Variants in MYRFL observed in about 807,000 individuals in gnomAD.
The protein encoded by MYRFL is myelin regulatory factor like.
In MYRFL, 88 loss-of-function variants were observed where a neutral mutation model predicts 109.4. The observed-to-expected ratio is 0.80, with a 90% CI of 0.68 to 0.96. MYRFL has a LOEUF of 0.96. Among genes scored for constraint, MYRFL ranks in the 40% least tolerant of loss-of-function variants. The pLI, the probability that MYRFL is intolerant of heterozygous loss-of-function variation, is 0.00. For missense variants in MYRFL, 957 were observed against 954.9 expected (o/e 1.00, Z -0.03); for synonymous variants, 324 against 320.9 (o/e 1.01, Z -0.10).
rs754843682 is a variant in MYRFL, at chr12:69,870,099, C to CTT, written c.138-8903_138-8902dup. The stretch of plus-strand genomic sequence containing the variant: ...GCTAAGAATCTCTTGATTTTTCTTC[C>CTT]TTTTTTTTTTTTTTTTTTTTTTTTT... On this transcript the variant is annotated intron_variant, in intron 2 of 24. Coordinates refer to ENST00000552032, the MANE Select transcript of MYRFL (RefSeq NM_182530.3). Among the ~76,000 whole-genome samples the CTT allele has an allele frequency of 4.8e-3, 388 of 81,334 alleles. 49 individuals are homozygous for CTT. The highest frequency in any genetic ancestry group is 0.014 in the African/African-American group (269 of 19,388). 53.4% of individuals were successfully genotyped at this position (81,334 alleles called of 152,430 possible).
At chr12:69,932,729 T>G in intron 16 of MYRFL, 131 bp downstream of exon 16, 1 of 634,098 alleles carries the variant, frequency 1.6e-6, no homozygotes. Flanking sequence ...GACACTGAAC[T>G]CTGATAGCAT....
chr12:69,912,853 AT>A (rs1338977421), intron 13 of MYRFL, among the ~76,000 whole-genome samples: 1 of 152,134 alleles, frequency 6.6e-6, no homozygotes, highest in East Asian at 1.9e-4. Context: ...TGGCAATTCT[AT>A]TTTTAATTTT....
chr12:69,830,625 A>G (rs1186156412), intron 1 of MYRFL, among the ~76,000 whole-genome samples: 10 of 152,022 alleles, frequency 6.6e-5, no homozygotes, highest in Admixed American at 6.6e-4. Context: ...GACAGGAAGA[A>G]CCAGCCAGGT....
rs1439087774 is a variant in MYRFL, at chr12:69,940,069, C to T, written c.2224+3437C>T. Reference sequence around the variant, plus strand: ...GGACTATGTGAAAAGACCAAATCTACGTCTGACTGGTGTACCTGAAAGTGA... The same window carrying T: ...GGACTATGTGAAAAGACCAAATCTATGTCTGACTGGTGTACCTGAAAGTGA... On this transcript the variant is annotated intron_variant, in intron 19 of 24. Coordinates refer to ENST00000552032, the MANE Select transcript of MYRFL (RefSeq NM_182530.3). 3.3e-5 allele frequency among the ~76,000 whole-genome samples: 5 copies of T among 151,302 alleles called. No homozygotes were observed. The East Asian group carries it at 6.0e-4, about 18-fold the overall frequency.
At chr12:69,838,768 CA>C (rs1408535089) in intron 1 of MYRFL, among the ~76,000 whole-genome samples, 1 of 152,142 alleles carries the variant, frequency 6.6e-6, no homozygotes, top group Non-Finnish European at 1.5e-5. Flanking sequence ...CCAGAAAGGC[CA>C]GAGGATCATG....
intron 7 of MYRFL, among the ~76,000 whole-genome samples, chr12:69,891,669 C>CTT (rs1263589157): frequency 1.0e-5 from 1 of 97,734 alleles, no homozygotes; most frequent in Non-Finnish European, 2.0e-5. Context: ...TTCTTTCTTT[C>CTT]TTTCTTTCTT....
intron 19 of MYRFL, among the ~76,000 whole-genome samples, chr12:69,945,986 C>CAAAAAAAAAAAAAAAAAAAAA (rs56988555): frequency 2.4e-5 from 1 of 42,328 alleles, no homozygotes; most frequent in Admixed American, 4.1e-4. Context: ...GACTCCGTCT[C>CAAAAAAAAAAAAAAAAAAAAA]AAAAAAAAAA....
intron 2 of MYRFL, among the ~76,000 whole-genome samples, chr12:69,868,098 C>CT (rs1454241117): frequency 8.2e-4 from 118 of 143,152 alleles, no homozygotes; most frequent in African/African-American, 2.7e-3. Context: ...GCCTCGGTTT[C>CT]TTTTTTTTTT....
intron 19 of MYRFL, among the ~76,000 whole-genome samples, chr12:69,949,904 T>C (rs537022853): frequency 1.8e-4 from 27 of 152,222 alleles, no homozygotes; most frequent in Non-Finnish European, 3.2e-4. Context: ...GAGTCCTTAG[T>C]GCCTCACTTA....
At chr12:69,826,540 G>A (rs1466025191) in intron 1 of MYRFL, among the ~76,000 whole-genome samples, 6 of 152,048 alleles carry the variant, frequency 3.9e-5, no homozygotes, top group Non-Finnish European at 7.4e-5. Context: ...GGGAAGACCT[G>A]AATATCGAAT....
At chr12:69,866,658 A>T (rs1304893535) in intron 2 of MYRFL, among the ~76,000 whole-genome samples, 2 of 152,146 alleles carry the variant, frequency 1.3e-5, no homozygotes, top group East Asian at 3.9e-4. Flanking sequence ...ATCAGTGTCA[A>T]CCCTTTATCT....
At chr12:69,888,943 G>A (rs1886621873) in intron 6 of MYRFL, among the ~76,000 whole-genome samples, 3 of 152,106 alleles carry the variant, frequency 2.0e-5, no homozygotes, top group South Asian at 2.1e-4. Context: ...CTGCTGGTAG[G>A]CACTGTGATT....
At chr12:69,908,625 G>A (rs1954455875) in intron 11 of MYRFL, among the ~76,000 whole-genome samples, 1 of 152,194 alleles carries the variant, frequency 6.6e-6, no homozygotes. Flanking sequence ...CCTCAGAGCT[G>A]TAATGATTCT....
At position 69,957,988 on chromosome 12, in the gene MYRFL, T is replaced by C. The variant is rs1181725147; in HGVS notation, c.2571+46T>C. 10 of 1,505,320 alleles carry C rather than the reference T, an allele frequency of 6.6e-6. No individual in the cohort carries two copies. In the Admixed American group the frequency reaches 1.6e-4, roughly 25 times the overall value. 93.2% of individuals were successfully genotyped at this position (1,505,320 alleles called of 1,614,324 possible). ...TCTTCCCCGCTGAGAGAGGGATACA[T>C]TGAGCAAATTGCCAGTGTTTTCCCT... On this transcript the variant is annotated intron_variant, in intron 23 of 24. Coordinates refer to ENST00000552032, the MANE Select transcript of MYRFL (RefSeq NM_182530.3).
intron 19 of MYRFL, among the ~76,000 whole-genome samples, chr12:69,942,764 C>T (rs1050905748): frequency 2.0e-5 from 3 of 151,912 alleles, no homozygotes; most frequent in African/African-American, 7.2e-5. Context: ...TTGCAGATGA[C>T]ATGATTGTAT....
chr12:69,861,966 T>C (rs11520171), intron 2 of MYRFL, among the ~76,000 whole-genome samples: 1 of 147,204 alleles, frequency 6.8e-6, no homozygotes, highest in East Asian at 2.0e-4. Flanking sequence ...TTTCTACATA[T>C]GGCTAGCCAG....
At chr12:69,880,395 T>C (rs1309081474) in intron 5 of MYRFL, 103 bp downstream of exon 5, 4 of 612,296 alleles carry the variant, frequency 6.5e-6, no homozygotes, top group Non-Finnish European at 1.2e-5. Flanking sequence ...AGTTTCCCTC[T>C]CACAGAAGAG....
chr12:69,901,094 G>C (rs1184224547), intron 10 of MYRFL, among the ~76,000 whole-genome samples: 3 of 152,170 alleles, frequency 2.0e-5, no homozygotes, highest in Non-Finnish European at 4.4e-5. Context: ...AGATTAAGTG[G>C]CTGCCCCAAG....
intron 21 of MYRFL, among the ~76,000 whole-genome samples, chr12:69,954,656 G>A (rs1238298360): frequency 2.6e-5 from 4 of 151,924 alleles, no homozygotes; most frequent in Non-Finnish European, 2.9e-5. Context: ...TTTTCCCATC[G>A]ATCTGATTTT....
Sources: gnomAD v4.1 joint callset for allele counts (sites outside exome capture counted in the v4.1 genomes callset) on GRCh38, gnomAD v4.1.1 for gene constraint, MANE v1.5 for transcripts, NCBI Gene and HGNC (gene_info 2026-07-23, HGNC 2026-07-21) for gene names.